The following KIF19 variants were observed in gnomAD, a reference collection of about 807,000 sequenced individuals.
KIF19 encodes the protein kinesin family member 19.
In KIF19, 98 loss-of-function variants were observed where a neutral mutation model predicts 106.6. The observed-to-expected ratio is 0.92, with a 90% confidence interval of 0.78 to 1.09. The LOEUF (loss-of-function observed/expected upper bound fraction) is 1.09, where lower values mean the gene tolerates loss of function less well. KIF19 is among the 50% of genes least tolerant of loss of function. The pLI is 0.00. For missense variants in KIF19, 1,373 were observed against 1,414.3 expected, an observed-to-expected ratio of 0.97 and a Z score of 0.47; for synonymous variants, 516 against 584.2, an observed-to-expected ratio of 0.88 and a Z score of 1.68.
chr17:74,340,700 C>CA (rs1328623087), intron 2 of KIF19, among the ~76,000 whole-genome samples: 1 of 152,226 alleles, frequency 6.6e-6, no homozygotes. Context: ...GGCTCAGGCT[C>CA]AAAGCTGCAA....
At chr17:74,342,980 C>CCA in intron 4 of KIF19, 44 bp from the exon 5 acceptor site, 2 of 1,544,258 alleles carry the variant, frequency 1.3e-6, no homozygotes, top group Non-Finnish European at 1.7e-6. Context: ...CAAGGCCTCC[C>CCA]TCCCAGCCCC....
Position 74,355,635 on chromosome 17 carries a change from A to G in KIF19, c.*323A>G, listed in dbSNP as rs2144314452. The G allele has an allele frequency of 4.6e-6, 1 of 216,214 alleles. No individual in the cohort carries two copies. The highest frequency in any genetic ancestry group is 8.4e-6 in the Non-Finnish European group (1 of 119,226). 13.4% of individuals were successfully genotyped at this position (216,214 alleles called of 1,614,324 possible). A position where few individuals can be genotyped will look rare whatever the true frequency, so the allele number is the denominator to read the frequency against. On this transcript the variant is annotated 3_prime_UTR_variant, in exon 20 of 20. Transcript: ENST00000389916. Reference sequence around the variant, plus strand: ...CCTTGGTAACGGAGGAAAGCAGCTGACAGTGAGACGGGGCTCCTGGCCCAC... The same window carrying G: ...CCTTGGTAACGGAGGAAAGCAGCTGGCAGTGAGACGGGGCTCCTGGCCCAC...
Position 74,349,366 on chromosome 17 carries a change from G to A in KIF19, c.1213+17G>A. On this transcript the variant is annotated intron_variant, in intron 10 of 19. Coordinates refer to ENST00000389916, the MANE Select transcript of KIF19 (RefSeq NM_153209.4). ...ACATCCAAGGTGCGCCTGTGGGTCT[G>A]TGTGAGTGGCAGCCCCCTCCGGCCA... 2 of 1,576,968 alleles carry A rather than the reference G, an allele frequency of 1.3e-6. No individual in the cohort carries two copies. Among genetic ancestry groups the A allele is most frequent in the Non-Finnish European group, 1.7e-6 (2 of 1,162,350 alleles).
chr17:74,350,982 GC>G, intron 12 of KIF19, 77 bp downstream of exon 12: 2 of 1,466,940 alleles, frequency 1.4e-6, no homozygotes, highest in South Asian at 1.1e-5. Flanking sequence ...AGGCGGAGGG[GC>G]CAGGGTGGGG....
intron 14 of KIF19, 137 bp downstream of exon 14, chr17:74,352,477 T>A: frequency 8.6e-7 from 1 of 1,159,576 alleles, no homozygotes; most frequent in South Asian, 1.6e-5. Flanking sequence ...TCCCTTTCCT[T>A]CTTACCCCAC....
At chr17:74,328,381 T>TGGTC in intron 1 of KIF19, 44 bp from the exon 2 acceptor site, 1 of 1,559,592 alleles carries the variant, frequency 6.4e-7, no homozygotes, top group Non-Finnish European at 8.7e-7. Context: ...AGGCCCAGCA[T>TGGTC]GGTCCTCTCC....
At position 74,350,548 on chromosome 17, in the gene KIF19, C is replaced by T. The variant is rs777816092; in HGVS notation, c.1361C>T (p.Thr454Ile). The change falls in exon 11 of 20, where the codon ACC becomes ATC. Residue 454 changes from threonine (T) to isoleucine (I), a missense_variant. Around this residue, in one of 3 missense-constraint regions of KIF19, gnomAD observed 1,020 missense variants for 1,008.2 expected, o/e 1.01. Coordinates refer to ENST00000389916, the MANE Select transcript of KIF19 (RefSeq NM_153209.4). Reference sequence around the variant, plus strand: ...CGCGCCATGGAGGTCCAGATTGACACCTCCCGACACCTGCTCACCATCGCC... The same window carrying T: ...CGCGCCATGGAGGTCCAGATTGACATCTCCCGACACCTGCTCACCATCGCC... Reference protein sequence around the residue: ...ENRAMEVQIDTSRHLLTIAGW... With the variant: ...ENRAMEVQIDISRHLLTIAGW... 10 of 1,612,838 alleles carry T rather than the reference C, an allele frequency of 6.2e-6. No homozygotes were observed. The highest frequency in any genetic ancestry group is 2.2e-5 in the East Asian group (1 of 44,878).
intron 2 of KIF19, among the ~76,000 whole-genome samples, chr17:74,340,555 G>GCGCGCACACA: frequency 2.3e-4 from 34 of 148,210 alleles, no homozygotes; most frequent in African/African-American, 7.5e-4. Flanking sequence ...ATGCGCGCGC[G>GCGCGCACACA]TACACACACA....
At position 74,344,229 on chromosome 17, in the gene KIF19, A is replaced by G; in HGVS notation, c.463A>G (p.Asn155Asp). 6.2e-7 allele frequency: 1 copy of G among 1,611,292 alleles called. No individual in the cohort carries two copies. The highest frequency in any genetic ancestry group is 8.5e-7 in the Non-Finnish European group (1 of 1,178,866). ...CCCCCACCTGTCCCGTCAGATCTAC[A>G]ATGAGATGATCCGGGACCTGCTGAA... ...EVSMSYLEIYNEMIRDLLNPS... is the reference protein window; with the variant it reads ...EVSMSYLEIYDEMIRDLLNPS... Residue 155 changes from asparagine (N) to aspartate (D), a missense_variant, in exon 6 of 20, where the codon AAT becomes GAT. Asn to Asp is a conservative substitution (Grantham distance 23). Transcript: ENST00000389916.
chr17:74,353,021 A>G, intron 15 of KIF19, 67 bp downstream of exon 15: 1 of 1,580,850 alleles, frequency 6.3e-7, no homozygotes, highest in Non-Finnish European at 8.7e-7. Context: ...AACCCAGACT[A>G]AGGCTAAATG....
chr17:74,350,982 G>T, intron 12 of KIF19, 77 bp downstream of exon 12: 1 of 1,466,942 alleles, frequency 6.8e-7, no homozygotes, highest in Middle Eastern at 1.7e-4. Flanking sequence ...AGGCGGAGGG[G>T]CCAGGGTGGG....
chr17:74,333,078 G>A (rs916016267), intron 2 of KIF19, among the ~76,000 whole-genome samples: 8 of 152,242 alleles, frequency 5.3e-5, no homozygotes, highest in East Asian at 1.9e-4. Flanking sequence ...GAAGTGCTGC[G>A]GGAGCAGCTG....
In KIF19 at chr17:74,347,834, A is replaced by G. The variant is rs1294801137; in HGVS notation, c.982A>G (p.Ser328Gly). ...GATCGCTCACATCAGTCCTGCGAGC[A>G]GTGCCTTCGAGGAGTCCCGGAACAC... ...VMIAHISPAS[S>G]AFEESRNTLT... The change falls in exon 9 of 20, where the codon AGT becomes GGT. Residue 328 changes from serine to glycine, a missense_variant. By Grantham distance (56) the Ser-to-Gly change is moderately conservative. This residue lies in a region of KIF19 where 1,020 missense variants were observed against 1,008.2 expected (regional missense o/e 1.01). Transcript: ENST00000389916. 3.8e-6 allele frequency: 6 copies of G among 1,586,526 alleles called. No homozygotes were observed. Among genetic ancestry groups the G allele is most frequent in the South Asian group, 1.2e-5 (1 of 86,640 alleles).
intron 13 of KIF19, 21 bp downstream of exon 13, chr17:74,352,158 C>T (rs1393793636): frequency 6.3e-7 from 1 of 1,586,122 alleles, no homozygotes; most frequent in African/African-American, 1.3e-5. Context: ...CGCCCCCGCG[C>T]ATCTGAGCCA....
At chr17:74,330,633 A>T (rs2054051594) in intron 2 of KIF19, among the ~76,000 whole-genome samples, 1 of 152,182 alleles carries the variant, frequency 6.6e-6, no homozygotes. Context: ...GCTGATGGGA[A>T]CGCTCCCTGT....
In KIF19 at chr17:74,347,831, A is replaced by T; in HGVS notation, c.979A>T (p.Ser327Cys). ...GATGATCGCTCACATCAGTCCTGCG[A>T]GCAGTGCCTTCGAGGAGTCCCGGAA... Reference protein sequence around the residue: ...TVMIAHISPASSAFEESRNTL... With the variant: ...TVMIAHISPACSAFEESRNTL... Residue 327 changes from serine to cysteine, a missense_variant, in exon 9 of 20, where the codon AGC (serine) becomes TGC (cysteine). Ser to Cys is a moderately radical substitution (Grantham distance 112). Around this residue, in one of 3 missense-constraint regions of KIF19, gnomAD observed 1,020 missense variants for 1,008.2 expected, o/e 1.01. Transcript: ENST00000389916. The T allele has an allele frequency of 6.3e-7, 1 of 1,587,734 alleles. No homozygotes were observed. The highest frequency in any genetic ancestry group is 8.6e-7 in the Non-Finnish European group (1 of 1,167,506).
chr17:74,333,842 C>CTT (rs11306974), intron 2 of KIF19, among the ~76,000 whole-genome samples: 3 of 143,908 alleles, frequency 2.1e-5, no homozygotes, highest in African/African-American at 5.2e-5. Flanking sequence ...AACTTCACTC[C>CTT]TTTTTTTTTT....
intron 14 of KIF19, among the ~76,000 whole-genome samples, 182 bp downstream of exon 14, chr17:74,352,522 CCTT>C (rs2054744265): frequency 6.6e-6 from 1 of 152,218 alleles, no homozygotes; most frequent in Non-Finnish European, 1.5e-5. Context: ...AGACCCTCCT[CCTT>C]GGGCACTCCT....
At position 74,351,932 on chromosome 17, in the gene KIF19, G is replaced by A. The variant is rs757775069; in HGVS notation, c.1653G>A (p.Pro551=). 5 of 1,454,576 alleles carry A rather than the reference G, an allele frequency of 3.4e-6. No individual in the cohort carries two copies. Among genetic ancestry groups the A allele is most frequent in the East Asian group, 2.9e-5 (1 of 34,598 alleles). 90.1% of individuals were successfully genotyped at this position (1,454,576 alleles called of 1,614,324 possible). ...ARGRRLEETL[P]RRIGSEEQRE... ...GCCGGCGCCTGGAGGAGACGCTGCC[G>A]CGGCGCATCGGCTCCGAGGAGCAGC... Residue 551 remains proline, a synonymous_variant, in exon 13 of 20, where the codon CCG becomes CCA. Transcript: ENST00000389916.
Sources: allele counts gnomAD v4.1 joint callset (sites outside exome capture counted in the v4.1 genomes callset), GRCh38; gene constraint gnomAD v4.1.1; regional missense constraint gnomAD v4.1.1; transcripts MANE v1.5; gene names NCBI Gene and HGNC (gene_info 2026-07-23, HGNC 2026-07-21).